The following AGK variants were observed in gnomAD, a reference collection of about 807,000 sequenced individuals.
The protein encoded by AGK is acylglycerol kinase, also known as acylglycerol kinase, mitochondrial.
Under a neutral mutation model 66.4 loss-of-function variants are expected in AGK, and 52 were observed. That is an observed-to-expected ratio of 0.78 (90% CI 0.63 to 0.99). AGK has a LOEUF of 0.99. Ranked by LOEUF, AGK falls within the 50% of genes least tolerant of loss-of-function variation. The pLI is 0.00. For missense variants in AGK, 451 were observed against 506.6 expected, an observed-to-expected ratio of 0.89 and a Z score of 1.05; for synonymous variants, 182 against 181.1, an observed-to-expected ratio of 1.00 and a Z score of -0.04.
intron 2 of AGK, among the ~76,000 whole-genome samples, chr7:141,563,832 T>G (rs1795403596): frequency 6.6e-6 from 1 of 152,216 alleles, no homozygotes; most frequent in South Asian, 2.1e-4. Flanking sequence ...TTCCTTGCTT[T>G]TCATCTTTTT....
intron 2 of AGK, among the ~76,000 whole-genome samples, chr7:141,577,674 G>A (rs1236526210): frequency 3.3e-5 from 5 of 152,016 alleles, no homozygotes; most frequent in African/African-American, 1.2e-4. Context: ...TGCTGCAAAA[G>A]GCAGGAACTT....
At chr7:141,615,445 A>G in intron 7 of AGK, 26 bp from the exon 8 acceptor site, 2 of 1,592,366 alleles carry the variant, frequency 1.3e-6, no homozygotes, top group Non-Finnish European at 1.7e-6. Context: ...ATAACAATAA[A>G]ACTTTCCTCT....
chr7:141,601,331 A>G (rs368252477), intron 5 of AGK, 51 bp downstream of exon 5: 138 of 1,434,956 alleles, frequency 9.6e-5, no homozygotes, highest in Non-Finnish European at 1.3e-4. Context: ...GCCTCTTATA[A>G]CAACCTCTTC....
At chr7:141,646,310 A>G (rs1393144748) in intron 13 of AGK, among the ~76,000 whole-genome samples, 1 of 152,122 alleles carries the variant, frequency 6.6e-6, no homozygotes, top group African/African-American at 2.4e-5. Context: ...ACCAGTGAGC[A>G]GGCGGGACAG....
At chr7:141,616,198 A>T (rs146428480) in intron 8 of AGK, 1 of 152,188 alleles carries the variant, frequency 6.6e-6, no homozygotes, top group Non-Finnish European at 1.5e-5. Flanking sequence ...TTTCAAGAAG[A>T]TAGGAATCTT....
In AGK at chr7:141,592,227, C is replaced by T. The variant is rs966123431; in HGVS notation, c.102-919C>T. On this transcript the variant is annotated intron_variant, in intron 2 of 15. Coordinates refer to ENST00000649286, the MANE Select transcript of AGK (RefSeq NM_018238.4). ...TGAATTAGAGGCCCAAAGCAGCTCT[C>T]ACTGGGCTAAGACAAAGTGTGGCAA... Among the ~76,000 whole-genome samples the T allele has an allele frequency of 2.6e-4, 40 of 152,212 alleles. 1 individual carries two copies. The highest frequency in any genetic ancestry group is 8.4e-4 in the African/African-American group (35 of 41,454).
At chr7:141,630,324 G>C (rs1797028230) in intron 9 of AGK, among the ~76,000 whole-genome samples, 1 of 152,216 alleles carries the variant, frequency 6.6e-6, no homozygotes, top group African/African-American at 2.4e-5. Context: ...CAGTTAGATA[G>C]GAGGAATAAG....
At chr7:141,587,807 C>T (rs1281424621) in intron 2 of AGK, among the ~76,000 whole-genome samples, 2 of 152,222 alleles carry the variant, frequency 1.3e-5, no homozygotes, top group African/African-American at 4.8e-5. Flanking sequence ...CCCTACTAAA[C>T]TATAAACTTC....
rs1554405928 is a variant in AGK, at chr7:141,652,792, A to AG, written c.1142dup (p.Ser382LeufsTer3). On this transcript the variant is annotated frameshift_variant, in exon 16 of 16. Coordinates refer to ENST00000649286, the MANE Select transcript of AGK (RefSeq NM_018238.4). LOFTEE classifies it high-confidence loss of function. ...GAATATTCTCTTCTCCCCAGGGAGC[A>AG]GGGGGCTCTTTTAGCATTGACAGTG... The AG allele has an allele frequency of 1.2e-6, 2 of 1,613,132 alleles. No homozygotes were observed. Among genetic ancestry groups the AG allele is most frequent in the Non-Finnish European group, 1.7e-6 (2 of 1,179,946 alleles).
chr7:141,554,322 A>T lies in AGK; in HGVS notation c.-14-1131A>T, dbSNP rs1419966188. ...GCCACTGGACTCCATCCTAGGTGAC[A>T]GAGTGAGACCCTGTCTAAAAAAAAA... On this transcript the variant is annotated intron_variant, in intron 1 of 15. Transcript: ENST00000649286. 2.0e-5 allele frequency among the ~76,000 whole-genome samples: 3 copies of T among 151,526 alleles called. No homozygotes were observed. In the South Asian group the frequency reaches 6.3e-4, roughly 32 times the overall value.
intron 2 of AGK, among the ~76,000 whole-genome samples, chr7:141,572,592 T>A (rs1187309526): frequency 6.6e-6 from 1 of 152,212 alleles, no homozygotes; most frequent in African/African-American, 2.4e-5. Context: ...CAGCTTATAG[T>A]TATCCCTCAA....
chr7:141,575,433 T>C (rs1219398615), intron 2 of AGK, among the ~76,000 whole-genome samples: 1 of 152,190 alleles, frequency 6.6e-6, no homozygotes, highest in African/African-American at 2.4e-5. Context: ...AGACCTGAGC[T>C]TATAGAATTA....
intron 2 of AGK, among the ~76,000 whole-genome samples, chr7:141,557,284 C>A (rs1288286331): frequency 1.3e-5 from 2 of 152,162 alleles, no homozygotes; most frequent in African/African-American, 2.4e-5. Flanking sequence ...CAAGGCCAGG[C>A]ATTCAAATTC....
intron 13 of AGK, among the ~76,000 whole-genome samples, chr7:141,645,109 T>C (rs1797381658): frequency 6.6e-6 from 1 of 152,118 alleles, no homozygotes; most frequent in South Asian, 2.1e-4. Flanking sequence ...ATAATATTGA[T>C]CTCACTGCAT....
intron 5 of AGK, among the ~76,000 whole-genome samples, chr7:141,606,002 T>A (rs866283751): frequency 6.6e-6 from 1 of 152,180 alleles, no homozygotes; most frequent in East Asian, 1.9e-4. Flanking sequence ...CCTGGAAATG[T>A]TTAAAAATGT....
intron 9 of AGK, 71 bp downstream of exon 9, chr7:141,621,872 T>C: frequency 8.5e-7 from 1 of 1,172,552 alleles, no homozygotes; most frequent in Middle Eastern, 2.2e-4. Flanking sequence ...GAAAATAAAA[T>C]GTAGCAGTTC....
intron 9 of AGK, among the ~76,000 whole-genome samples, chr7:141,625,947 T>C (rs1204209156): frequency 6.6e-6 from 1 of 152,200 alleles, no homozygotes; most frequent in Non-Finnish European, 1.5e-5. Flanking sequence ...TTTTTCTTAT[T>C]GTGTAATGTT....
chr7:141,623,767 A>G (rs1281714474), intron 9 of AGK, among the ~76,000 whole-genome samples: 2 of 152,206 alleles, frequency 1.3e-5, no homozygotes, highest in Non-Finnish European at 2.9e-5. Context: ...TATAGACAAA[A>G]CAGCCTTTTA....
At position 141,611,251 on chromosome 7, in the gene AGK, G is replaced by T; in HGVS notation, c.354G>T (p.Val118=). ...TGGAACTGATGGAAAACACGGATGTGATCATTGTTGCAGGAGGAGATGGGA... is the reference window on the plus strand; with the variant it reads ...TGGAACTGATGGAAAACACGGATGTTATCATTGTTGCAGGAGGAGATGGGA... ...KLLELMENTD[V]IIVAGGDGTL... Residue 118 remains valine, a synonymous_variant, in exon 6 of 16, where the codon GTG becomes GTT. Transcript: ENST00000649286. 1 of 1,613,544 alleles carries T rather than the reference G, an allele frequency of 6.2e-7. No homozygotes were observed. Among genetic ancestry groups the T allele is most frequent in the South Asian group, 1.1e-5 (1 of 90,980 alleles).
Sources: gnomAD v4.1 joint callset for allele counts (sites outside exome capture counted in the v4.1 genomes callset) on GRCh38, gnomAD v4.1.1 for gene constraint, MANE v1.5 for transcripts, NCBI Gene and HGNC (gene_info 2026-07-23, HGNC 2026-07-21) for gene names.